Variants in CREB1 observed in about 807,000 individuals in gnomAD.
CREB1 encodes cAMP responsive element binding protein 1.
In CREB1, 2 loss-of-function variants were observed where a neutral mutation model predicts 42.0. The ratio of observed to expected loss-of-function variants is 0.05; its 90% confidence interval spans 0.02 to 0.15. The LOEUF is 0.15. Ranked by LOEUF, CREB1 falls within the 10% of genes least tolerant of loss-of-function variation. The probability of loss-of-function intolerance (pLI) is 1.00; values close to 1 mark genes in which losing one functional copy is unlikely to be tolerated. For synonymous variants in CREB1, 123 were observed against 139.9 expected, an observed-to-expected ratio of 0.88 and a Z score of 0.85; for missense variants, 199 against 388.9, an observed-to-expected ratio of 0.51 and a Z score of 4.11.
At chr2:207,547,349 G>T (rs1387930351) in intron 1 of CREB1, among the ~76,000 whole-genome samples, 1 of 152,158 alleles carries the variant, frequency 6.6e-6, no homozygotes, top group Non-Finnish European at 1.5e-5. Flanking sequence ...TAACTTCGGG[G>T]CATAGTAACT....
chr2:207,597,021 A>G lies in CREB1; in HGVS notation c.947A>G (p.Lys316Arg). The G allele has an allele frequency of 6.2e-7, 1 of 1,611,712 alleles. No homozygotes were observed. Among genetic ancestry groups the G allele is most frequent in the Non-Finnish European group, 8.5e-7 (1 of 1,179,364 alleles). Reference protein sequence around the residue: ...NQNKTLIEELKALKDLYCHKS... With the variant: ...NQNKTLIEELRALKDLYCHKS... ...AACAAGACATTGATTGAGGAGCTAA[A>G]AGCACTTAAGGACCTTTACTGCCAC... Residue 316 changes from lysine (K) to arginine (R), a missense_variant, in exon 8 of 8, where the codon AAA (lysine) becomes AGA (arginine). By Grantham distance (26) the Lys-to-Arg change is conservative. Transcript: ENST00000353267.
At chr2:207,572,225 C>CAAA (rs35000643) in intron 5 of CREB1, among the ~76,000 whole-genome samples, 5 of 98,830 alleles carry the variant, frequency 5.1e-5, no homozygotes, top group Non-Finnish European at 4.0e-5. Flanking sequence ...GATTCCGTCT[C>CAAA]AAAAAAAAAA....
intron 1 of CREB1, among the ~76,000 whole-genome samples, chr2:207,548,705 C>G (rs746315877): frequency 6.6e-6 from 1 of 152,052 alleles, no homozygotes; most frequent in Non-Finnish European, 1.5e-5. Context: ...GAGCCGAGAT[C>G]ACTCCATTGC....
Position 207,595,589 on chromosome 2 carries a change from T to C in CREB1, c.840-1325T>C, listed in dbSNP as rs1335120409. On this transcript the variant is annotated intron_variant, in intron 7 of 7. Coordinates refer to ENST00000353267, the MANE Select transcript of CREB1 (RefSeq NM_004379.5). Reference sequence around the variant, plus strand: ...CTAACTAATTTTTAATTGAGACAGGTTCTTGGTTTGTCACCCAGGTTGGAA... The same window carrying C: ...CTAACTAATTTTTAATTGAGACAGGCTCTTGGTTTGTCACCCAGGTTGGAA... Among the ~76,000 whole-genome samples the C allele has an allele frequency of 2.6e-5, 4 of 151,762 alleles. No homozygotes were observed. In the South Asian group the frequency reaches 6.2e-4, roughly 24 times the overall value.
rs1482721023 is a variant in CREB1 at position 207,575,936 on chromosome 2, C to CG, written c.688+482_688+483insG. Among the ~76,000 whole-genome samples, 2 of 19,658 alleles carry CG rather than the reference C, an allele frequency of 1.0e-4. 1 individual carries two copies. Among genetic ancestry groups the CG allele is most frequent in the Non-Finnish European group, 2.4e-4 (2 of 8,204 alleles). 12.9% of individuals were successfully genotyped at this position (19,658 alleles called of 152,430 possible). A position where few individuals can be genotyped will look rare whatever the true frequency, so the allele number is the denominator to read the frequency against. On this transcript the variant is annotated intron_variant, in intron 6 of 7. Coordinates refer to ENST00000353267, the MANE Select transcript of CREB1 (RefSeq NM_004379.5). ...GTTCAGGATTCTGTTTCTCTGCTTC[C>CG]CCCCCCCCCCCCAAAAGAAATTTAA...
intron 1 of CREB1, among the ~76,000 whole-genome samples, chr2:207,552,371 A>G (rs1378268133): frequency 6.6e-6 from 1 of 152,124 alleles, no homozygotes; most frequent in Non-Finnish European, 1.5e-5. Context: ...TGTTGTAAAT[A>G]AAAATGAAAG....
At chr2:207,538,162 A>G (rs2080950757) in intron 1 of CREB1, among the ~76,000 whole-genome samples, 1 of 152,144 alleles carries the variant, frequency 6.6e-6, no homozygotes, top group Non-Finnish European at 1.5e-5. Context: ...TTTATTAGGG[A>G]TGCTTACCCT....
chr2:207,562,803 T>G (rs2106496777), intron 3 of CREB1, among the ~76,000 whole-genome samples: 1 of 152,242 alleles, frequency 6.6e-6, no homozygotes, highest in East Asian at 1.9e-4. Flanking sequence ...CAGAATAAAG[T>G]TTCCAAAATA....
At chr2:207,576,976 A>C in intron 6 of CREB1, 1 of 882,376 alleles carries the variant, frequency 1.1e-6, no homozygotes, top group Non-Finnish European at 1.4e-6. Flanking sequence ...TATAATTGGC[A>C]TCAAGTGATA....
intron 1 of CREB1, among the ~76,000 whole-genome samples, chr2:207,541,127 G>T (rs1369266890): frequency 6.6e-6 from 1 of 152,090 alleles, no homozygotes; most frequent in African/African-American, 2.4e-5. Flanking sequence ...GGCTGAGGCA[G>T]GAGAATAGCT....
At chr2:207,561,644 A>G (rs978143868) in intron 3 of CREB1, among the ~76,000 whole-genome samples, 49 of 152,126 alleles carry the variant, frequency 3.2e-4, no homozygotes, top group African/African-American at 1.1e-3. Context: ...CAGACTAAAC[A>G]AACTATTTTT....
intron 1 of CREB1, among the ~76,000 whole-genome samples, chr2:207,539,408 C>CTGTGA (rs1428893599): frequency 6.6e-6 from 1 of 151,988 alleles, no homozygotes. Context: ...CTATTGTTTG[C>CTGTGA]TGTGATCAAT....
intron 1 of CREB1, among the ~76,000 whole-genome samples, chr2:207,540,001 A>T (rs762385664): frequency 1.6e-4 from 24 of 152,236 alleles, no homozygotes; most frequent in Non-Finnish European, 3.5e-4. Flanking sequence ...GAATACAATG[A>T]TAAATTGGGC....
intron 7 of CREB1, 71 bp from the exon 8 acceptor site, chr2:207,596,843 A>G: frequency 6.4e-7 from 1 of 1,556,062 alleles, no homozygotes; most frequent in Non-Finnish European, 8.7e-7. Flanking sequence ...AAAAAAGAAA[A>G]AAAAAAGGTA....
chr2:207,596,790 C>T (rs1298870164), intron 7 of CREB1, 124 bp from the exon 8 acceptor site: 11 of 1,116,068 alleles, frequency 9.9e-6, no homozygotes, highest in Non-Finnish European at 1.0e-5. Context: ...TTTTCCAATG[C>T]TTAATATATA....
chr2:207,568,388 ATTTAT>A (rs1382273687), intron 4 of CREB1, among the ~76,000 whole-genome samples: 4 of 152,072 alleles, frequency 2.6e-5, no homozygotes, highest in African/African-American at 9.7e-5. Flanking sequence ...TATATTCATA[ATTTAT>A]TTTAAGTATA....
At chr2:207,531,512 G>A (rs185044027) in intron 1 of CREB1, among the ~76,000 whole-genome samples, 8 of 152,216 alleles carry the variant, frequency 5.3e-5, no homozygotes, top group Admixed American at 5.2e-4. Context: ...AAGGACGTGC[G>A]GTATGACCTA....
At chr2:207,568,253 C>G (rs977683484) in intron 4 of CREB1, 2 of 151,904 alleles carry the variant, frequency 1.3e-5, no homozygotes, top group Non-Finnish European at 2.9e-5. Flanking sequence ...TTTTTCCCCC[C>G]GCTTGGCTAT....
intron 7 of CREB1, among the ~76,000 whole-genome samples, chr2:207,585,631 T>G (rs2083684293): frequency 6.6e-6 from 1 of 152,122 alleles, no homozygotes; most frequent in Non-Finnish European, 1.5e-5. Context: ...ATAATGATCT[T>G]AAGAAAACTC....
Sources: gnomAD v4.1 joint callset for allele counts (sites outside exome capture counted in the v4.1 genomes callset) on GRCh38, gnomAD v4.1.1 for gene constraint, MANE v1.5 for transcripts, NCBI Gene and HGNC (gene_info 2026-07-23, HGNC 2026-07-21) for gene names.